Variants in SLC35F2 observed in about 807,000 individuals in gnomAD.
The protein encoded by SLC35F2 is queuine/queuosine transporter SLC35F2.
SLC35F2 carries 25 observed loss-of-function variants against 38.1 expected under a neutral mutation model. The observed-to-expected ratio is 0.66, with a 90% confidence interval of 0.48 to 0.92. The LOEUF (loss-of-function observed/expected upper bound fraction) is 0.92, where lower values mean the gene tolerates loss of function less well. Among genes scored for constraint, SLC35F2 ranks in the 40% least tolerant of loss-of-function variants. The pLI is 0.00. For missense variants in SLC35F2, 409 were observed against 452.9 expected (o/e 0.90, Z 0.88); for synonymous variants, 173 against 181.7 (o/e 0.95, Z 0.38).
chr11:107,858,228 C>T (rs1860327463), intron 1 of SLC35F2, among the ~76,000 whole-genome samples: 1 of 152,214 alleles, frequency 6.6e-6, no homozygotes, highest in African/African-American at 2.4e-5. Context: ...AATCACCGCG[C>T]CCAGTCTGGC....
At chr11:107,838,849 G>A (rs946565846) in intron 1 of SLC35F2, among the ~76,000 whole-genome samples, 6 of 150,906 alleles carry the variant, frequency 4.0e-5, no homozygotes, top group South Asian at 4.2e-4. Flanking sequence ...AGCTGGTCTC[G>A]AACTCCTGAC....
At chr11:107,822,532 C>T (rs564914729) in intron 1 of SLC35F2, among the ~76,000 whole-genome samples, 28 of 152,242 alleles carry the variant, frequency 1.8e-4, no homozygotes, top group African/African-American at 5.5e-4. Context: ...CAGAACACAT[C>T]GGGGAGCTCC....
At position 107,803,776 on chromosome 11, in the gene SLC35F2, A is replaced by AACACACACACACACACACAC. The variant is rs71047623; in HGVS notation, c.785-641_785-622dup. Among the ~76,000 whole-genome samples, 830 of 149,566 alleles carry AACACACACACACACACACAC rather than the reference A, an allele frequency of 5.5e-3. 9 individuals carry two copies. Among genetic ancestry groups the AACACACACACACACACACAC allele is most frequent in the East Asian group, 0.027 (133 of 5,000 alleles). On this transcript the variant is annotated intron_variant, in intron 6 of 7. Transcript: ENST00000525815. Reference sequence around the variant, plus strand: ...ACTTCTTTAATCTCATCCCATACTCAACACACACACACACACACACACACT... The same window carrying AACACACACACACACACACAC: ...ACTTCTTTAATCTCATCCCATACTCAACACACACACACACACACACACACACACACACACACACACACACT...
intron 1 of SLC35F2, among the ~76,000 whole-genome samples, chr11:107,818,072 AAAAGAAAGAAAGAAAGAAAGAAAGAAAG>A (rs1163903791): frequency 2.2e-4 from 15 of 68,440 alleles, no homozygotes; most frequent in Non-Finnish European, 2.6e-4. Flanking sequence ...AAAAAAAAAA[AAAAGAAAGAAAGAAAGAAAGAAAGAAAG>A]AAAGAAAGAA....
chr11:107,814,039 C>T (rs1308971918), intron 2 of SLC35F2, among the ~76,000 whole-genome samples: 2 of 152,136 alleles, frequency 1.3e-5, no homozygotes, highest in South Asian at 2.1e-4. Flanking sequence ...TAAGTGTGCA[C>T]AGTGCTGTCC....
At chr11:107,840,003 C>G (rs1859990670) in intron 1 of SLC35F2, among the ~76,000 whole-genome samples, 1 of 152,082 alleles carries the variant, frequency 6.6e-6, no homozygotes, top group African/African-American at 2.4e-5. Flanking sequence ...GTCAGAGGAA[C>G]TTAAGTCTAT....
chr11:107,836,971 T>C (rs1171591991), intron 1 of SLC35F2, among the ~76,000 whole-genome samples: 1 of 152,180 alleles, frequency 6.6e-6, no homozygotes, highest in East Asian at 1.9e-4. Flanking sequence ...ATTAAAAAAC[T>C]GCAGGCAAAG....
chr11:107,813,306 G>A (rs532800304), intron 2 of SLC35F2, among the ~76,000 whole-genome samples: 4 of 152,110 alleles, frequency 2.6e-5, no homozygotes, highest in Admixed American at 6.6e-5. Flanking sequence ...TTAGCTGGGC[G>A]TGGTGGCAGG....
chr11:107,856,923 GGGAAA>G (rs1860297840), intron 1 of SLC35F2, among the ~76,000 whole-genome samples: 13 of 90,436 alleles, frequency 1.4e-4, no homozygotes, highest in East Asian at 3.6e-4. Context: ...GAGGGAGGGA[GGGAAA>G]AGAGGGAAGG....
chr11:107,828,497 G>T (rs1232057906), intron 1 of SLC35F2, among the ~76,000 whole-genome samples: 1 of 151,758 alleles, frequency 6.6e-6, no homozygotes, highest in South Asian at 2.1e-4. Flanking sequence ...TTCTTTGGAG[G>T]GTGCTAGGGA....
At position 107,851,665 on chromosome 11, in the gene SLC35F2, G is replaced by T. The variant is rs1860188988; in HGVS notation, c.110+6993C>A. Among the ~76,000 whole-genome samples, 4 of 151,904 alleles carry T rather than the reference G, an allele frequency of 2.6e-5. No individual in the cohort carries two copies. In the South Asian group the frequency reaches 6.2e-4, roughly 24 times the overall value. The stretch of plus-strand genomic sequence containing the variant: ...CAGCCATGCATCCCATATTTTTTGT[G>T]AATCTATTGCAAGGTCAGTAATGTA... On this transcript the variant is annotated intron_variant, in intron 1 of 7. Coordinates refer to ENST00000525815, the MANE Select transcript of SLC35F2 (RefSeq NM_017515.5).
intron 6 of SLC35F2, among the ~76,000 whole-genome samples, chr11:107,803,949 C>T (rs1247210421): frequency 6.6e-6 from 1 of 152,038 alleles, no homozygotes; most frequent in Non-Finnish European, 1.5e-5. Context: ...TCTCAGCCTC[C>T]CGAGTAGCTG....
chr11:107,829,276 AG>A (rs1459514425), intron 1 of SLC35F2, among the ~76,000 whole-genome samples: 1 of 152,030 alleles, frequency 6.6e-6, no homozygotes, highest in Non-Finnish European at 1.5e-5. Flanking sequence ...AAAATTAGCC[AG>A]GCATGGTGGC....
chr11:107,805,473 G>A lies in SLC35F2; in HGVS notation c.617C>T (p.Ala206Val), dbSNP rs994268602. 7.4e-6 allele frequency: 12 copies of A among 1,613,890 alleles called. No individual in the cohort carries two copies. Among genetic ancestry groups the A allele is most frequent in the Non-Finnish European group, 1.0e-5 (12 of 1,180,002 alleles). Residue 206 changes from alanine to valine, a missense_variant, in exon 5 of 8, where the codon GCT becomes GTT. Transcript: ENST00000525815. ...LIGDILVLLG[A>V]SLYAISNVCE... Reference sequence around the variant, plus strand: ...AACATTTGAAATGGCATAGAGGGAAGCCCCAAGAAGGACCAAGATGTCACC... The same window carrying A: ...AACATTTGAAATGGCATAGAGGGAAACCCCAAGAAGGACCAAGATGTCACC...
At chr11:107,824,147 A>T (rs1859718920) in intron 1 of SLC35F2, among the ~76,000 whole-genome samples, 1 of 152,112 alleles carries the variant, frequency 6.6e-6, no homozygotes, top group Non-Finnish European at 1.5e-5. Context: ...CAAAGTAGCT[A>T]AAAAAGTCAA....
chr11:107,803,320 A>C (rs75033506), intron 6 of SLC35F2, 165 bp from the exon 7 acceptor site: 39,760 of 983,632 alleles, frequency 0.04, 932 homozygotes, highest in Non-Finnish European at 0.045. Context: ...GCTCTCTCGA[A>C]AAAAGAATAT....
intron 2 of SLC35F2, among the ~76,000 whole-genome samples, chr11:107,814,438 T>TG (rs1427896088): frequency 4.8e-5 from 7 of 146,138 alleles, no homozygotes; most frequent in Non-Finnish European, 1.0e-4. Flanking sequence ...CCAACCTGGG[T>TG]GACAGAGCAA....
chr11:107,817,956 C>T (rs1384516429), intron 1 of SLC35F2, among the ~76,000 whole-genome samples: 1 of 150,530 alleles, frequency 6.6e-6, no homozygotes, highest in Non-Finnish European at 1.5e-5. Flanking sequence ...ACTCAGCAGG[C>T]TGAGGCAGGA....
intron 1 of SLC35F2, among the ~76,000 whole-genome samples, chr11:107,845,481 A>C (rs1307294600): frequency 6.6e-6 from 1 of 151,256 alleles, no homozygotes; most frequent in Non-Finnish European, 1.5e-5. Context: ...TGTTTGTGCC[A>C]CTGCACTCCA....
Sources: allele counts gnomAD v4.1 joint callset (sites outside exome capture counted in the v4.1 genomes callset), GRCh38; gene constraint gnomAD v4.1.1; transcripts MANE v1.5; gene names NCBI Gene and HGNC (gene_info 2026-07-23, HGNC 2026-07-21).